ELP4: variants seen among roughly 807,000 people sequenced by gnomAD.
ELP4 encodes the protein elongator complex protein 4.
Under a neutral mutation model 48.9 loss-of-function variants are expected in ELP4, and 51 were observed. The observed-to-expected ratio is 1.04, with a 90% CI of 0.83 to 1.32. ELP4 has a LOEUF of 1.32. ELP4 is among the 40% of genes most tolerant of loss of function. The probability of loss-of-function intolerance (pLI) is 0.00; values close to 1 mark genes in which losing one functional copy is unlikely to be tolerated. For missense variants in ELP4, 519 were observed against 514.6 expected (o/e 1.01, Z -0.08); for synonymous variants, 210 against 189.2 (o/e 1.11, Z -0.90).
chr11:31,638,785 C>G (rs551948000), intron 7 of ELP4, among the ~76,000 whole-genome samples: 1 of 151,930 alleles, frequency 6.6e-6, no homozygotes, highest in South Asian at 2.1e-4. Context: ...CAGCTAAACT[C>G]TAAGTCTAGC....
chr11:31,669,510 G>T (rs1162393396), intron 9 of ELP4, among the ~76,000 whole-genome samples: 1 of 152,194 alleles, frequency 6.6e-6, no homozygotes, highest in East Asian at 1.9e-4. Context: ...GACTAGGTTA[G>T]ATAGCCTACC....
intron 9 of ELP4, among the ~76,000 whole-genome samples, chr11:31,781,077 A>C (rs886739120): frequency 5.9e-5 from 9 of 152,264 alleles, no homozygotes; most frequent in African/African-American, 2.2e-4. Flanking sequence ...TGCTTGCCTT[A>C]TTCATATTAC....
chr11:31,665,205 C>T (rs144460488), intron 9 of ELP4, among the ~76,000 whole-genome samples: 3 of 152,228 alleles, frequency 2.0e-5, no homozygotes, highest in Admixed American at 6.5e-5. Flanking sequence ...TGACAGTTTA[C>T]CTCTTCTTGA....
chr11:31,781,503 T>C (rs1218361452), intron 9 of ELP4, among the ~76,000 whole-genome samples: 5 of 132,914 alleles, frequency 3.8e-5, no homozygotes, highest in African/African-American at 1.4e-4. Context: ...TTTTTTTTTT[T>C]TTTTTTTTTT....
chr11:31,533,523 G>A (rs1956441189), intron 2 of ELP4, among the ~76,000 whole-genome samples: 1 of 149,834 alleles, frequency 6.7e-6, no homozygotes, highest in African/African-American at 2.5e-5. Context: ...GACTACATGC[G>A]CCGGCCATCA....
At chr11:31,772,765 G>A (rs917300089) in intron 9 of ELP4, among the ~76,000 whole-genome samples, 10 of 152,074 alleles carry the variant, frequency 6.6e-5, no homozygotes, top group African/African-American at 2.2e-4. Flanking sequence ...TATATTCAAG[G>A]GTTCTGCTGC....
Position 31,617,860 on chromosome 11 carries a change from A to G in ELP4, c.654-9250A>G, listed in dbSNP as rs559593961. 2.6e-4 allele frequency among the ~76,000 whole-genome samples: 39 copies of G among 152,232 alleles called. 1 individual carries two copies. In the South Asian group the frequency reaches 7.2e-3, roughly 28 times the overall value. ...GATGTGAAGAAATCAAAACCATCAT[A>G]CATAGCTGATGAGAACATAAAATAG... On this transcript the variant is annotated intron_variant, in intron 5 of 9. Coordinates refer to ENST00000640961, the MANE Select transcript of ELP4 (RefSeq NM_019040.5).
intron 2 of ELP4, among the ~76,000 whole-genome samples, chr11:31,539,191 G>A (rs1956552828): frequency 6.6e-6 from 1 of 152,184 alleles, no homozygotes. Context: ...CTGGCCGGGC[G>A]CGGTGGCTTA....
chr11:31,590,226 C>T (rs1308472086), intron 3 of ELP4, among the ~76,000 whole-genome samples: 7 of 152,034 alleles, frequency 4.6e-5, no homozygotes, highest in Admixed American at 1.3e-4. Context: ...TAGAACTGCC[C>T]TGAATAGAGC....
At chr11:31,511,178 C>T (rs1246698149) in intron 1 of ELP4, 2 of 152,042 alleles carry the variant, frequency 1.3e-5, no homozygotes, top group Admixed American at 1.3e-4. Flanking sequence ...AATATATTTT[C>T]CTCCTGAGTT....
intron 3 of ELP4, among the ~76,000 whole-genome samples, chr11:31,583,230 T>C (rs1047977697): frequency 5.3e-5 from 8 of 152,214 alleles, no homozygotes; most frequent in Admixed American, 2.0e-4. Flanking sequence ...CCAGTTGTTA[T>C]GATTTGTTAA....
rs774790221 is a variant in ELP4 at position 31,509,867 on chromosome 11, G to A, written c.83G>A (p.Ser28Asn). The change falls in exon 1 of 10, where the codon AGT becomes AAT. Residue 28 changes from serine to asparagine, a missense_variant. Ser to Asn is a conservative substitution (Grantham distance 46). Coordinates refer to ENST00000640961, the MANE Select transcript of ELP4 (RefSeq NM_019040.5). The stretch of plus-strand genomic sequence containing the variant: ...ACAGCCAGCAAGAGCAACGTCACCA[G>A]TTTCCAGAGGAGGGGTCCTAGAGCC... ...VATASKSNVT[S>N]FQRRGPRASV... The A allele has an allele frequency of 6.2e-7, 1 of 1,614,076 alleles. No individual in the cohort carries two copies. Among genetic ancestry groups the A allele is most frequent in the East Asian group, 2.2e-5 (1 of 44,886 alleles).
intron 3 of ELP4, among the ~76,000 whole-genome samples, chr11:31,567,929 A>G (rs1957138570): frequency 1.3e-5 from 2 of 152,146 alleles, no homozygotes; most frequent in African/African-American, 4.8e-5. Flanking sequence ...TGACTGTGGT[A>G]ATTTCTGAGA....
intron 2 of ELP4, among the ~76,000 whole-genome samples, chr11:31,527,784 G>T (rs1956321914): frequency 6.6e-6 from 1 of 151,884 alleles, no homozygotes; most frequent in African/African-American, 2.4e-5. Flanking sequence ...AGTATATCTT[G>T]GCTTAAGACC....
At position 31,515,001 on chromosome 11, in the gene ELP4, ATGTGTGTGTG is replaced by A. The variant is rs753678395; in HGVS notation, c.223+5018_224-5022del. The stretch of plus-strand genomic sequence containing the variant: ...ATAGAGAAATTTTGCTGCTGTATGC[ATGTGTGTGTG>A]TGTGTGTGTGTGTGTGTGTGTGTAT... On this transcript the variant is annotated intron_variant, in intron 1 of 9. Transcript: ENST00000640961. Among the ~76,000 whole-genome samples the A allele has an allele frequency of 2.1e-4, 28 of 131,976 alleles. No individual in the cohort carries two copies. In the South Asian group the frequency reaches 5.4e-3, roughly 25 times the overall value. 86.6% of individuals were successfully genotyped at this position (131,976 alleles called of 152,430 possible).
intron 1 of ELP4, 25 bp downstream of exon 1, chr11:31,510,032 C>T (rs755523969): frequency 4.9e-5 from 79 of 1,597,078 alleles, no homozygotes; most frequent in Non-Finnish European, 6.3e-5. Flanking sequence ...GAGATCTGGG[C>T]TCAGCCGAGG....
intron 5 of ELP4, among the ~76,000 whole-genome samples, chr11:31,606,568 TAC>T (rs1957880047): frequency 6.6e-6 from 1 of 152,172 alleles, no homozygotes; most frequent in Non-Finnish European, 1.5e-5. Flanking sequence ...AATTCATACA[TAC>T]AGTTTAAATT....
chr11:31,544,518 C>A (rs1255622157), intron 3 of ELP4, among the ~76,000 whole-genome samples: 1 of 152,222 alleles, frequency 6.6e-6, no homozygotes, highest in African/African-American at 2.4e-5. Context: ...TGGGTGGAGA[C>A]CACCACAGCT....
At chr11:31,666,380 C>T (rs7936914) in intron 9 of ELP4, among the ~76,000 whole-genome samples, 96,515 of 151,964 alleles carry the variant, frequency 0.64, 33,109 homozygotes, top group Non-Finnish European at 0.76. Context: ...GCGGAAAACA[C>T]TTTAATTGTT....
Sources: allele counts gnomAD v4.1 joint callset (sites outside exome capture counted in the v4.1 genomes callset), GRCh38; gene constraint gnomAD v4.1.1; transcripts MANE v1.5; gene names NCBI Gene and HGNC (gene_info 2026-07-23, HGNC 2026-07-21).